ARHGEF40: variants seen among roughly 807,000 people sequenced by gnomAD.
The protein encoded by ARHGEF40 is Rho guanine nucleotide exchange factor 40.
A neutral mutation model predicts 165.9 loss-of-function variants in ARHGEF40; 98 were observed. The observed-to-expected ratio is 0.59, with a 90% CI of 0.50 to 0.70. The LOEUF (loss-of-function observed/expected upper bound fraction) is 0.70, where lower values mean the gene tolerates loss of function less well. ARHGEF40 is among the 30% of genes least tolerant of loss of function. The pLI is 0.00. For synonymous variants in ARHGEF40, 792 were observed against 814.3 expected, an observed-to-expected ratio of 0.97 and a Z score of 0.47; for missense variants, 1,815 against 1,968.0, an observed-to-expected ratio of 0.92 and a Z score of 1.47.
Position 21,078,271 on chromosome 14 carries a change from A to T in ARHGEF40, c.2129A>T (p.Glu710Val). The change falls in exon 9 of 24, where the codon GAG (glutamate) becomes GTG (valine). Residue 710 changes from glutamate to valine, a missense_variant and splice_region_variant. By Grantham distance (121) the Glu-to-Val change is moderately radical. Coordinates refer to ENST00000298694, the MANE Select transcript of ARHGEF40 (RefSeq NM_018071.5). ...GAGGGAGCAGCAGAGCCAGAGGAAG[A>T]GGTATGAAATGAGATGGGACAGTGG... Reference protein sequence around the residue: ...ELEGAAEPEEEEAVGMPKPLQ... With the variant: ...ELEGAAEPEEVEAVGMPKPLQ... 3 of 1,613,552 alleles carry T rather than the reference A, an allele frequency of 1.9e-6. No individual in the cohort carries two copies. The highest frequency in any genetic ancestry group is 2.5e-6 in the Non-Finnish European group (3 of 1,179,814).
chr14:21,080,633 C>A (rs1566531057), intron 11 of ARHGEF40, 27 bp from the exon 12 acceptor site: 1 of 1,599,414 alleles, frequency 6.3e-7, no homozygotes. Context: ...TCCATGACCC[C>A]CTGCCCTCCC....
At chr14:21,065,182 A>G in the ARHGEF40 span, among the ~76,000 whole-genome samples, 1 of 148,544 alleles carries the variant, frequency 6.7e-6, no homozygotes, top group Non-Finnish European at 1.5e-5. Flanking sequence ...AAAAAAAAAA[A>G]CAAACAACAA....
chr14:21,080,869 C>G lies in ARHGEF40; in HGVS notation c.2497-4C>G. The stretch of plus-strand genomic sequence containing the variant: ...CAGGTCTGAGCGCAGCCTCCCTTCT[C>G]CAGGAGCGCCTGGCCCAGGCACGGG... On this transcript the variant is annotated splice_region_variant and splice_polypyrimidine_tract_variant and intron_variant, in intron 12 of 23. Transcript: ENST00000298694. The G allele has an allele frequency of 6.2e-7, 1 of 1,613,064 alleles. No homozygotes were observed. Among genetic ancestry groups the G allele is most frequent in the Non-Finnish European group, 8.5e-7 (1 of 1,179,442 alleles).
In ARHGEF40 at chr14:21,074,891, T is replaced by G. The variant is rs771822877; in HGVS notation, c.1161T>G (p.Gly387=). The change falls in exon 3 of 24, where the codon GGT becomes GGG. Residue 387 remains glycine (G), a synonymous_variant. Transcript: ENST00000298694. This position sits in a 1 kb window ranked among gnomAD's most constrained non-coding sequence, Gnocchi z 4.8. ...KGNRRKKRAA[G]RGALSRGGDS... is the part of the protein sequence containing the mutation. ...ACAGAAGAAAGAAGCGAGCTGCAGG[T>G]CGAGGGGCTCTTAGCCGAGGAGGGG... 6.2e-7 allele frequency: 1 copy of G among 1,609,936 alleles called. No individual in the cohort carries two copies. Among genetic ancestry groups the G allele is most frequent in the Non-Finnish European group, 8.5e-7 (1 of 1,178,490 alleles).
Position 21,070,983 on chromosome 14 carries a change from T to G in ARHGEF40, c.3+584T>G, listed in dbSNP as rs1032631684. ...GCAGAGAAAAAGAGCTGCCTCAGGATAGTTGGGGGTGCTTGGGGGGGAGCT... is the reference window on the plus strand; with the variant it reads ...GCAGAGAAAAAGAGCTGCCTCAGGAGAGTTGGGGGTGCTTGGGGGGGAGCT... On this transcript the variant is annotated intron_variant, in intron 1 of 23. Transcript: ENST00000298694. This position sits in a 1 kb window ranked among gnomAD's most constrained non-coding sequence, Gnocchi z 4.7. 1.4e-5 allele frequency: 13 copies of G among 950,136 alleles called. No individual in the cohort carries two copies. The African/African-American group carries it at 2.1e-4, about 16-fold the overall frequency. The allele number at this position is 950,136 out of a possible 1,614,324, so 58.9% of individuals were successfully genotyped here. A position where few individuals can be genotyped will look rare whatever the true frequency, so the allele number is the denominator to read the frequency against.
chr14:21,088,885 G>A lies in ARHGEF40; in HGVS notation c.*5+9G>A. On this transcript the variant is annotated intron_variant, in intron 23 of 23. Coordinates refer to ENST00000298694, the MANE Select transcript of ARHGEF40 (RefSeq NM_018071.5). ...ACGCCTCTGTGACCTGGGTGAGTCAGCATCCCCAATTTCTACCACATCCAG... is the reference window on the plus strand; with the variant it reads ...ACGCCTCTGTGACCTGGGTGAGTCAACATCCCCAATTTCTACCACATCCAG... 1.2e-6 allele frequency: 2 copies of A among 1,611,444 alleles called. No individual in the cohort carries two copies. Among genetic ancestry groups the A allele is most frequent in the South Asian group, 1.1e-5 (1 of 90,856 alleles).
Position 21,075,291 on chromosome 14 carries a change from A to G in ARHGEF40, c.1451-41A>G. 1 of 1,610,252 alleles carries G rather than the reference A, an allele frequency of 6.2e-7. No homozygotes were observed. The highest frequency in any genetic ancestry group is 1.1e-5 in the South Asian group (1 of 90,640). On this transcript the variant is annotated intron_variant, in intron 3 of 23. Coordinates refer to ENST00000298694, the MANE Select transcript of ARHGEF40 (RefSeq NM_018071.5). This position sits in a 1 kb window ranked among gnomAD's most constrained non-coding sequence, Gnocchi z 4.5. ...GGCTGGGAGCAGAACAACCAGAACCATCTTAACTTCAGTCCCATGTTTCTG... is the reference window on the plus strand; with the variant it reads ...GGCTGGGAGCAGAACAACCAGAACCGTCTTAACTTCAGTCCCATGTTTCTG...
chr14:21,073,184 C>T lies in ARHGEF40; in HGVS notation c.143C>T (p.Thr48Met), dbSNP rs745643378. 8.7e-6 allele frequency: 14 copies of T among 1,613,888 alleles called. No homozygotes were observed. Among genetic ancestry groups the T allele is most frequent in the African/African-American group, 1.3e-5 (1 of 74,884 alleles). Reference protein sequence around the residue: ...RTYREDALRYTLDFLVPAKHL... With the variant: ...RTYREDALRYMLDFLVPAKHL... ...TATCGGGAGGACGCACTGAGGTACACGCTGGACTTCCTGGTACCAGCCAAG... is the reference window on the plus strand; with the variant it reads ...TATCGGGAGGACGCACTGAGGTACATGCTGGACTTCCTGGTACCAGCCAAG... Residue 48 changes from threonine (T) to methionine (M), a missense_variant, in exon 2 of 24, where the codon ACG becomes ATG. Thr to Met is a moderately conservative substitution (Grantham distance 81, BLOSUM62 -1). Coordinates refer to ENST00000298694, the MANE Select transcript of ARHGEF40 (RefSeq NM_018071.5). This position sits in a 1 kb window ranked among gnomAD's most constrained non-coding sequence, Gnocchi z 4.6.
intron 1 of ARHGEF40, among the ~76,000 whole-genome samples, chr14:21,071,776 TC>T (rs921325055): frequency 1.7e-4 from 26 of 151,960 alleles, no homozygotes; most frequent in African/African-American, 5.5e-4. Flanking sequence ...ATCTCCACCT[TC>T]CCCCCACCCA....
chr14:21,066,018 G>A (rs904707951), upstream of ARHGEF40, among the ~76,000 whole-genome samples: 1 of 152,168 alleles, frequency 6.6e-6, no homozygotes, highest in Non-Finnish European at 1.5e-5. Context: ...AGAATCACTT[G>A]CACCTGGGAG....
At chr14:21,062,747 T>TG in the ARHGEF40 span, among the ~76,000 whole-genome samples, 1 of 36,250 alleles carries the variant, frequency 2.8e-5, no homozygotes, top group Non-Finnish European at 5.4e-5. Context: ...GTGTGTGTGT[T>TG]TTGTTATTTG....
At position 21,081,736 on chromosome 14, in the gene ARHGEF40, G is replaced by C. The variant is rs1353177727; in HGVS notation, c.2868G>C (p.Val956=). Residue 956 remains valine, a synonymous_variant, in exon 14 of 24, where the codon GTG becomes GTC. Transcript: ENST00000298694. ...QELERRIQQH[V]GEEASPRGYR... ...TAGAGAGGAGGATCCAGCAACACGT[G>C]GGAGAGGAGGCGAGCCCACGGGGCT... 6.3e-7 allele frequency: 1 copy of C among 1,576,482 alleles called. No homozygotes were observed. The highest frequency in any genetic ancestry group is 8.6e-7 in the Non-Finnish European group (1 of 1,161,208).
chr14:21,071,719 A>G (rs1487778750), intron 1 of ARHGEF40, among the ~76,000 whole-genome samples: 1 of 151,342 alleles, frequency 6.6e-6, no homozygotes, highest in African/African-American at 2.4e-5. Flanking sequence ...CTAGCTCCGC[A>G]CTCCCTGCCT....
chr14:21,089,148 C>T lies in ARHGEF40; in HGVS notation c.*140C>T. On this transcript the variant is annotated 3_prime_UTR_variant, in exon 24 of 24. Transcript: ENST00000298694. Reference sequence around the variant, plus strand: ...CCTGGACACAGAGGAGGTCTAACGACCAGAGTATTGCCCTGCCACCACTAT... The same window carrying T: ...CCTGGACACAGAGGAGGTCTAACGATCAGAGTATTGCCCTGCCACCACTAT... 7.0e-6 allele frequency: 3 copies of T among 430,108 alleles called. No homozygotes were observed. Among genetic ancestry groups the T allele is most frequent in the Non-Finnish European group, 1.2e-5 (3 of 240,400 alleles). 26.6% of individuals were successfully genotyped at this position (430,108 alleles called of 1,614,324 possible).
chr14:21,065,308 A>T (rs1233803095), upstream of ARHGEF40, among the ~76,000 whole-genome samples: 2 of 152,044 alleles, frequency 1.3e-5, no homozygotes, highest in Non-Finnish European at 2.9e-5. Context: ...AAAGCAGCTG[A>T]CCCCAAGCCT....
At position 21,082,378 on chromosome 14, in the gene ARHGEF40, C is replaced by A; in HGVS notation, c.3386C>A (p.Ala1129Asp). Residue 1129 changes from alanine (A) to aspartate (D), a missense_variant, in exon 15 of 24, where the codon GCC (alanine) becomes GAC (aspartate). Transcript: ENST00000298694. ...LRGTWAAALS[A>D]RERLRSFHRT... ...GGCACCTGGGCTGCTGCCCTGAGTGCCCGGGAAAGGCTTCGCAGCTTCCAC... is the reference window on the plus strand; with the variant it reads ...GGCACCTGGGCTGCTGCCCTGAGTGACCGGGAAAGGCTTCGCAGCTTCCAC... 6.2e-7 allele frequency: 1 copy of A among 1,611,436 alleles called. No individual in the cohort carries two copies.
upstream of ARHGEF40, among the ~76,000 whole-genome samples, chr14:21,069,658 G>T (rs559049293): frequency 2.6e-5 from 4 of 152,358 alleles, no homozygotes; most frequent in East Asian, 5.8e-4. Context: ...ACACAGAGGA[G>T]CCCATTGTCA....
the ARHGEF40 span, among the ~76,000 whole-genome samples, chr14:21,065,249 A>G: frequency 6.6e-6 from 1 of 151,968 alleles, no homozygotes; most frequent in Non-Finnish European, 1.5e-5. Flanking sequence ...CCAACAGACA[A>G]ACAAACAAAC....
At chr14:21,064,910 C>T in the ARHGEF40 span, among the ~76,000 whole-genome samples, 31 of 152,218 alleles carry the variant, frequency 2.0e-4, no homozygotes, top group Non-Finnish European at 2.4e-4. Context: ...GTGGCTCATG[C>T]CTGTAATCCC....
Sources: allele counts gnomAD v4.1 joint callset (sites outside exome capture counted in the v4.1 genomes callset), GRCh38; gene constraint gnomAD v4.1.1; non-coding constraint Gnocchi (gnomAD v3.1); transcripts MANE v1.5; gene names NCBI Gene and HGNC (gene_info 2026-07-23, HGNC 2026-07-21).